Variants in ALDH3B2 observed in about 807,000 individuals in gnomAD.
The protein encoded by ALDH3B2 is aldehyde dehydrogenase 3 family member B2, also known as aldehyde dehydrogenase family 3 member B2.
ALDH3B2 carries 45 observed loss-of-function variants against 36.7 expected under a neutral mutation model. That is an observed-to-expected ratio of 1.23 (90% CI 0.97 to 1.57). The LOEUF is 1.57. ALDH3B2 is among the 40% of genes most tolerant of loss of function. The pLI is 0.00. For synonymous variants in ALDH3B2, 217 were observed against 226.5 expected, an observed-to-expected ratio of 0.96 and a Z score of 0.38; for missense variants, 464 against 513.3, an observed-to-expected ratio of 0.90 and a Z score of 0.93.
chr11:67,670,020 G>A (rs1856051698), intron 1 of ALDH3B2, among the ~76,000 whole-genome samples: 1 of 28,184 alleles, frequency 3.5e-5, no homozygotes, highest in African/African-American at 6.7e-5. Context: ...GTGTCTGTGT[G>A]TGTATGGGTG....
chr11:67,672,954 G>C (rs552078077), intron 1 of ALDH3B2, among the ~76,000 whole-genome samples: 2 of 136,266 alleles, frequency 1.5e-5, no homozygotes, highest in African/African-American at 5.6e-5. Context: ...TTTTTGAGAC[G>C]GAGTCTCACT....
At chr11:67,678,650 T>TAC (rs1856312576), upstream of ALDH3B2, among the ~76,000 whole-genome samples, 1 of 150,436 alleles carries the variant, frequency 6.6e-6, no homozygotes, top group African/African-American at 2.4e-5. Flanking sequence ...TATATATATA[T>TAC]ACACTATGAT....
chr11:67,665,116 G>A (rs1029506813), intron 7 of ALDH3B2, among the ~76,000 whole-genome samples, 169 bp downstream of exon 7: 8 of 152,216 alleles, frequency 5.3e-5, no homozygotes, highest in East Asian at 3.8e-4. Context: ...GGGGCCACAG[G>A]CTCAGAAGCA....
chr11:67,663,124 G>A lies in ALDH3B2; in HGVS notation c.*91C>T, dbSNP rs114434498. 1,951 of 1,431,104 alleles carry A rather than the reference G, an allele frequency of 1.4e-3. 20 individuals are homozygous for A. The African/African-American group carries it at 0.024, about 18-fold the overall frequency. 88.7% of individuals were successfully genotyped at this position (1,431,104 alleles called of 1,614,324 possible). On this transcript the variant is annotated 3_prime_UTR_variant, in exon 10 of 10. Transcript: ENST00000349015. The stretch of plus-strand genomic sequence containing the variant: ...GCAACCTGAGGCTGGGGGAACCTGC[G>A]GTCTGGAGGAACAATGTGAGTTGGG...
At chr11:67,666,609 A>G in exon 4 of ALDH3B2, 1 of 1,614,132 alleles carries the variant, frequency 6.2e-7, no homozygotes. Flanking sequence ...CACCAGGGTC[A>G]GGTTCAGTGG....
Position 67,666,696 on chromosome 11 carries a change from T to TGA in ALDH3B2, c.31-4_31-3dup, listed in dbSNP as rs1353880132. ...GAAGACCGAGTCCAGCTTCATGAAC[T>TGA]GAGGCACAGGGTAGACAGTGAGGCC... On this transcript the variant is annotated splice_region_variant and splice_polypyrimidine_tract_variant and intron_variant, in intron 3 of 9. Transcript: ENST00000349015. The TGA allele has an allele frequency of 6.2e-7, 1 of 1,614,094 alleles. No homozygotes were observed. Among genetic ancestry groups the TGA allele is most frequent in the East Asian group, 2.2e-5 (1 of 44,870 alleles).
chr11:67,678,770 G>A (rs144231669), upstream of ALDH3B2, among the ~76,000 whole-genome samples: 28 of 144,522 alleles, frequency 1.9e-4, no homozygotes, highest in African/African-American at 7.3e-4. Context: ...TACACGCTAT[G>A]GTATATATAT....
exon 1 of ALDH3B2, chr11:67,674,520 C>A: frequency 6.3e-6 from 1 of 159,344 alleles, no homozygotes; most frequent in East Asian, 1.8e-4. Flanking sequence ...GCAGGCTCTG[C>A]TCCTACCCCC....
At chr11:67,666,867 C>T in intron 3 of ALDH3B2, 39 bp downstream of exon 3, 4 of 1,613,894 alleles carry the variant, frequency 2.5e-6, no homozygotes, top group Non-Finnish European at 3.4e-6. Flanking sequence ...CTACCCGGTG[C>T]CCTGCCCTGC....
At chr11:67,666,021 GC>G in intron 6 of ALDH3B2, 100 bp downstream of exon 6, 2 of 1,418,024 alleles carry the variant, frequency 1.4e-6, no homozygotes, top group Non-Finnish European at 9.8e-7. Flanking sequence ...CTCCCCACGT[GC>G]CCCCACTGCT....
At chr11:67,670,364 CGT>C (rs1856074424) in intron 1 of ALDH3B2, among the ~76,000 whole-genome samples, 1 of 151,550 alleles carries the variant, frequency 6.6e-6, no homozygotes. Flanking sequence ...CCATGTGTGT[CGT>C]GTGTGTGTCT....
At chr11:67,669,230 CTG>C (rs139502073) in intron 1 of ALDH3B2, among the ~76,000 whole-genome samples, 2 of 140,572 alleles carry the variant, frequency 1.4e-5, no homozygotes, top group Non-Finnish European at 3.1e-5. Flanking sequence ...GTATGGGTGT[CTG>C]TGTGTGTGTG....
At chr11:67,663,628 G>A in intron 9 of ALDH3B2, 34 bp downstream of exon 9, 2 of 1,585,756 alleles carry the variant, frequency 1.3e-6, no homozygotes, top group Non-Finnish European at 8.6e-7. Context: ...CCAAAGCCAA[G>A]CTTCCCTAGG....
chr11:67,672,149 T>TTTTTTTTTTTTTTTGTA (rs1856146186), intron 1 of ALDH3B2, among the ~76,000 whole-genome samples: 1 of 11,330 alleles, frequency 8.8e-5, no homozygotes, highest in Non-Finnish European at 4.0e-4. Context: ...TATATATGTA[T>TTTTTTTTTTTTTTTGTA]TTTTTTTTTT....
chr11:67,665,625 G>A, exon 7 of ALDH3B2: 2 of 1,613,678 alleles, frequency 1.2e-6, no homozygotes, highest in Non-Finnish European at 1.7e-6. Context: ...CAGGCGTCAG[G>A]TGCTTGGTGG....
At chr11:67,667,113 G>C (rs1383340052) in intron 2 of ALDH3B2, 97 bp from the exon 3 acceptor site, 1 of 680,628 alleles carries the variant, frequency 1.5e-6, no homozygotes, top group Non-Finnish European at 2.6e-6. Context: ...ACCACCACTG[G>C]ACATATAAAT....
At chr11:67,667,109 A>G in intron 2 of ALDH3B2, 93 bp from the exon 3 acceptor site, 1 of 687,740 alleles carries the variant, frequency 1.5e-6, no homozygotes, top group East Asian at 2.7e-5. Flanking sequence ...CACCACCACC[A>G]CTGGACATAT....
upstream of ALDH3B2, among the ~76,000 whole-genome samples, chr11:67,675,404 A>G (rs1004443968): frequency 6.6e-6 from 1 of 152,182 alleles, no homozygotes; most frequent in Non-Finnish European, 1.5e-5. Context: ...GTATTTGCTG[A>G]GCACCTTCTA....
In ALDH3B2 at chr11:67,672,102, TTGTGTGTGTGTGTGTG is replaced by T. The variant is rs71058721; in HGVS notation, c.-245+2319_-245+2334del. On this transcript the variant is annotated intron_variant, in intron 1 of 9. Coordinates refer to ENST00000349015, the Ensembl canonical transcript of ALDH3B2. ...ATATATATATATGTATGTATGTATT[TTGTGTGTGTGTGTGTG>T]TGTGTGTGTGTGTGTGTATATATAT... 3.4e-3 allele frequency among the ~76,000 whole-genome samples: 168 copies of T among 49,984 alleles called. 12 individuals are homozygous for T. Among genetic ancestry groups the T allele is most frequent in the African/African-American group, 0.011 (157 of 14,572 alleles). The allele number at this position is 49,984 out of a possible 152,430, so 32.8% of individuals were successfully genotyped here.
Sources: gnomAD v4.1 joint callset for allele counts (sites outside exome capture counted in the v4.1 genomes callset) on GRCh38, gnomAD v4.1.1 for gene constraint, MANE v1.5 for transcripts, NCBI Gene and HGNC (gene_info 2026-07-23, HGNC 2026-07-21) for gene names.